The following PRSS53 variants were observed in gnomAD, a reference collection of about 807,000 sequenced individuals.
PRSS53 encodes EDTP308.
In PRSS53, 54 loss-of-function variants were observed where a neutral mutation model predicts 62.7. The ratio of observed to expected loss-of-function variants is 0.86; its 90% confidence interval spans 0.69 to 1.08. The LOEUF is 1.08. PRSS53 is among the 50% of genes least tolerant of loss of function. The probability of loss-of-function intolerance (pLI) is 0.00; values close to 1 mark genes in which losing one functional copy is unlikely to be tolerated. For synonymous variants in PRSS53, 273 were observed against 300.0 expected (o/e 0.91, Z 0.93); for missense variants, 688 against 728.3 (o/e 0.94, Z 0.64).
intron 8 of PRSS53, 22 bp from the exon 9 acceptor site, chr16:31,084,725 G>C (rs1292252059): frequency 1.6e-5 from 25 of 1,604,030 alleles, no homozygotes; most frequent in Non-Finnish European, 2.1e-5. Context: ...GGGAAAGCTG[G>C]CTGCCCCGGC....
chr16:31,084,714 A>C lies in PRSS53; in HGVS notation c.1280-11T>G. 1 of 1,607,532 alleles carries C rather than the reference A, an allele frequency of 6.2e-7. No homozygotes were observed. The highest frequency in any genetic ancestry group is 8.5e-7 in the Non-Finnish European group (1 of 1,176,004). ...GGAGGGAGCTGATGCCTGTGGAGCA[A>C]GGGAAAGCTGGCTGCCCCGGCCTGC... On this transcript the variant is annotated splice_polypyrimidine_tract_variant and intron_variant, in intron 8 of 10. Coordinates refer to ENST00000280606, the Ensembl canonical transcript of PRSS53.
chr16:31,084,827 G>A (rs1245653224), exon 8 of PRSS53: 1 of 1,546,920 alleles, frequency 6.5e-7, no homozygotes, highest in African/African-American at 1.4e-5. Context: ...CTCCCCATCA[G>A]GCAGGTGGTG....
rs535880423 is a variant in PRSS53 at position 31,084,413 on chromosome 16, G to A, written c.1426-78C>T. 4.7e-6 allele frequency: 7 copies of A among 1,502,982 alleles called. No individual in the cohort carries two copies. In the South Asian group the frequency reaches 7.5e-5, roughly 16 times the overall value. 93.1% of individuals were successfully genotyped at this position (1,502,982 alleles called of 1,614,324 possible). On this transcript the variant is annotated intron_variant, in intron 9 of 10. Coordinates refer to ENST00000280606, the Ensembl canonical transcript of PRSS53. ...CGGTAGAGCAGGCTAGGGAACCTCT[G>A]GCTGTTTGGGGGCTAATTGGCAAAA...
chr16:31,087,792 T>A lies in PRSS53; in HGVS notation c.79+14A>T, dbSNP rs2057250428. ...ACCCAAGTAAGACCTAGGCCCCGTG[T>A]CCCCAGACCTTACCACGCTGAGCGG... is the stretch of plus-strand genomic sequence containing the variant. On this transcript the variant is annotated intron_variant, in intron 2 of 10. Coordinates refer to ENST00000280606, the Ensembl canonical transcript of PRSS53. 6.2e-7 allele frequency: 1 copy of A among 1,613,882 alleles called. No homozygotes were observed. The highest frequency in any genetic ancestry group is 1.7e-5 in the Admixed American group (1 of 59,986).
At position 31,084,709 on chromosome 16, in the gene PRSS53, G is replaced by A. The variant is rs2057211045; in HGVS notation, c.1280-6C>T. On this transcript the variant is annotated splice_polypyrimidine_tract_variant and splice_region_variant and intron_variant, in intron 8 of 10. Coordinates refer to ENST00000280606, the Ensembl canonical transcript of PRSS53. The stretch of plus-strand genomic sequence containing the variant: ...TGTCTGGAGGGAGCTGATGCCTGTG[G>A]AGCAAGGGAAAGCTGGCTGCCCCGG... The A allele has an allele frequency of 6.2e-7, 1 of 1,608,832 alleles. No homozygotes were observed.
chr16:31,088,770 C>T lies in PRSS53; in HGVS notation c.40G>A (p.Ala14Thr). The change falls in exon 1 of 11, where the codon GCC becomes ACC. Residue 14 changes from alanine (A) to threonine (T), a missense_variant. By Grantham distance (58) the Ala-to-Thr change is moderately conservative. Transcript: ENST00000280606. ...GGCTTACCCTCCATGAGGACTGTGG[C>T]ACCCGCGATGAGCAGCACTGGGCCC... The T allele has an allele frequency of 1.9e-6, 3 of 1,613,802 alleles. No homozygotes were observed. Among genetic ancestry groups the T allele is most frequent in the Non-Finnish European group, 2.5e-6 (3 of 1,180,026 alleles).
chr16:31,088,002 C>G, intron 1 of PRSS53, 176 bp from the exon 2 acceptor site: 1 of 1,503,832 alleles, frequency 6.6e-7, no homozygotes, highest in Non-Finnish European at 8.9e-7. Flanking sequence ...TTTATTGGAA[C>G]CTATTCAGTG....
At chr16:31,087,862 TC>T (rs757104805) in intron 1 of PRSS53, 36 bp from the exon 2 acceptor site, 1 of 1,613,016 alleles carries the variant, frequency 6.2e-7, no homozygotes, top group Non-Finnish European at 8.5e-7. Flanking sequence ...ATGCAGGGAC[TC>T]CAGGCCTGCC....
chr16:31,088,228 T>C (rs1308683448), intron 1 of PRSS53: 3 of 1,136,324 alleles, frequency 2.6e-6, no homozygotes, highest in Non-Finnish European at 3.3e-6. Context: ...GCCTGCATCA[T>C]TTCCAAGTGG....
intron 3 of PRSS53, chr16:31,087,146 C>T: frequency 1.9e-6 from 1 of 539,144 alleles, no homozygotes; most frequent in African/African-American, 1.9e-5. Flanking sequence ...TACAGGCGTG[C>T]ACCACCATGC....
intron 3 of PRSS53, 40 bp from the exon 4 acceptor site, chr16:31,086,938 G>A: frequency 6.5e-7 from 1 of 1,537,290 alleles, no homozygotes; most frequent in Non-Finnish European, 8.8e-7. Flanking sequence ...CTGAGTGCAA[G>A]GGTAGACAGT....
chr16:31,088,250 A>C, intron 1 of PRSS53: 4 of 1,134,378 alleles, frequency 3.5e-6, no homozygotes, highest in Non-Finnish European at 4.4e-6. Flanking sequence ...GAGGGCCCCA[A>C]GAAATGGAGA....
At chr16:31,088,354 T>TCACAGGCA (rs1214999808) in intron 1 of PRSS53, 2 of 1,118,432 alleles carry the variant, frequency 1.8e-6, no homozygotes, top group South Asian at 2.6e-5. Context: ...CCACCGCCCC[T>TCACAGGCA]CACAGGCACA....
intron 3 of PRSS53, chr16:31,087,290 C>G (rs2057244722): frequency 1.7e-6 from 1 of 572,394 alleles, no homozygotes; most frequent in Admixed American, 3.2e-5. Flanking sequence ...AGCTACTGTG[C>G]CCGGCCTCAG....
intron 3 of PRSS53, chr16:31,087,183 G>GT: frequency 1.9e-6 from 1 of 524,546 alleles, no homozygotes. Flanking sequence ...TTTTTGTAGA[G>GT]ACATGGTCTT....
At chr16:31,088,667 C>G in intron 1 of PRSS53, 85 bp downstream of exon 1, 1 of 1,599,156 alleles carries the variant, frequency 6.3e-7, no homozygotes, top group Non-Finnish European at 8.5e-7. Flanking sequence ...GCGGTCCCCC[C>G]ACCAAGAAGC....
chr16:31,086,868 T>TG lies in PRSS53; in HGVS notation c.272dup (p.Val92SerfsTer9), dbSNP rs2057240743. 1 of 1,603,828 alleles carries TG rather than the reference T, an allele frequency of 6.2e-7. No homozygotes were observed. The highest frequency in any genetic ancestry group is 8.5e-7 in the Non-Finnish European group (1 of 1,175,492). On this transcript the variant is annotated frameshift_variant, in exon 4 of 11. Coordinates refer to ENST00000280606, the Ensembl canonical transcript of PRSS53. LOFTEE classifies it high-confidence loss of function. ...CACGCTGCAGAGAACCCAGGACCACTGACCAGGAATTCAGTTCTGTTGCTG... is the reference window on the plus strand; with the variant it reads ...CACGCTGCAGAGAACCCAGGACCACTGGACCAGGAATTCAGTTCTGTTGCTG...
rs1014962050 is a variant in PRSS53 at position 31,083,906 on chromosome 16, C to T, written c.1643-97G>A. 25 of 1,591,206 alleles carry T rather than the reference C, an allele frequency of 1.6e-5. No individual in the cohort carries two copies. The East Asian group carries it at 3.2e-4, about 20-fold the overall frequency. ...TCGAAGGAACAGGGTCTGTCTTGGC[C>T]GCCATGACAGATGAGAATACTGAGG... On this transcript the variant is annotated intron_variant, in intron 10 of 10. Transcript: ENST00000280606.
chr16:31,085,140 G>A lies in PRSS53; in HGVS notation c.1004C>T (p.Ala335Val), dbSNP rs188342896. The A allele has an allele frequency of 1.2e-4, 199 of 1,611,996 alleles. 1 individual carries two copies. In the East Asian group the frequency reaches 3.7e-3, roughly 30 times the overall value. ...GAAGCAGTGGGCAGCAGTTAGCACCGCCTCCTCTGACACCAGGGCTCCGCC... is the reference window on the plus strand; with the variant it reads ...GAAGCAGTGGGCAGCAGTTAGCACCACCTCCTCTGACACCAGGGCTCCGCC... Residue 335 changes from alanine (A) to valine (V), a missense_variant, in exon 7 of 11, where the codon GCG becomes GTG. Physicochemically the swap from Ala to Val is moderately conservative, Grantham distance 64. Coordinates refer to ENST00000280606, the Ensembl canonical transcript of PRSS53.
Sources: gnomAD v4.1 joint callset for allele counts on GRCh38, gnomAD v4.1.1 for gene constraint, MANE v1.5 for transcripts, NCBI Gene and HGNC (gene_info 2026-07-23, HGNC 2026-07-21) for gene names.